Variants in CPN1 observed in about 807,000 individuals in gnomAD.
CPN1 encodes the protein carboxypeptidase N subunit 1, also known as carboxypeptidase N catalytic chain.
Under a neutral mutation model 46.4 loss-of-function variants are expected in CPN1, and 37 were observed. The ratio of observed to expected loss-of-function variants is 0.80; its 90% CI spans 0.61 to 1.05. The LOEUF (loss-of-function observed/expected upper bound fraction) is 1.05. Ranked by LOEUF, CPN1 falls within the 50% of genes least tolerant of loss-of-function variation. The probability of loss-of-function intolerance (pLI) is 0.00; values close to 1 mark genes in which losing one functional copy is unlikely to be tolerated. For synonymous variants in CPN1, 224 were observed against 235.4 expected (o/e 0.95, Z 0.44); for missense variants, 563 against 602.6 (o/e 0.93, Z 0.69).
chr10:100,075,037 C>T (rs2041506117), intron 2 of CPN1, among the ~76,000 whole-genome samples: 1 of 152,182 alleles, frequency 6.6e-6, no homozygotes. Context: ...CGCCTGTAAT[C>T]CCAGCACTTT....
intron 5 of CPN1, among the ~76,000 whole-genome samples, chr10:100,058,873 C>T (rs1032641805): frequency 6.6e-6 from 1 of 152,068 alleles, no homozygotes; most frequent in Admixed American, 6.6e-5. Flanking sequence ...GAAGACAGCC[C>T]AGAAACCCTT....
intron 6 of CPN1, among the ~76,000 whole-genome samples, chr10:100,055,140 A>C (rs1201468445): frequency 6.6e-6 from 1 of 151,712 alleles, no homozygotes; most frequent in African/African-American, 2.4e-5. Flanking sequence ...CAGGAGGCCG[A>C]GACAGGAGAA....
intron 8 of CPN1, 44 bp from the exon 9 acceptor site, chr10:100,042,617 C>G: frequency 1.2e-6 from 2 of 1,612,744 alleles, no homozygotes; most frequent in East Asian, 4.5e-5. Flanking sequence ...TTTGGACCAT[C>G]TTTTGCCATA....
chr10:100,057,539 G>C (rs181017008), intron 5 of CPN1, among the ~76,000 whole-genome samples: 5 of 152,092 alleles, frequency 3.3e-5, no homozygotes, highest in Non-Finnish European at 7.4e-5. Context: ...TTGTTGAGTG[G>C]TGATTAGTCG....
chr10:100,053,469 C>CA, intron 7 of CPN1, among the ~76,000 whole-genome samples: 1 of 151,930 alleles, frequency 6.6e-6, no homozygotes, highest in East Asian at 1.9e-4. Flanking sequence ...ACAAAAAACA[C>CA]AAAAAATTAG....
At chr10:100,065,801 C>T (rs1320437555) in intron 3 of CPN1, among the ~76,000 whole-genome samples, 1 of 151,712 alleles carries the variant, frequency 6.6e-6, no homozygotes. Context: ...ATAAACACAC[C>T]CCTCTGGGGT....
chr10:100,073,182 G>A (rs1457669456), intron 2 of CPN1, among the ~76,000 whole-genome samples: 2 of 152,000 alleles, frequency 1.3e-5, no homozygotes, highest in Non-Finnish European at 2.9e-5. Flanking sequence ...GTTCCTTTAA[G>A]TTTCCTACAT....
Position 100,047,966 on chromosome 10 carries a change from T to C in CPN1, c.1230+792A>G, listed in dbSNP as rs758720394. On this transcript the variant is annotated intron_variant, in intron 8 of 8. Transcript: ENST00000370418. ...GAGATCATGCCATTGCACTCCAGCCTGGGCAACAAGAGCGAAACCCCCTCT... is the reference window on the plus strand; with the variant it reads ...GAGATCATGCCATTGCACTCCAGCCCGGGCAACAAGAGCGAAACCCCCTCT... Among the ~76,000 whole-genome samples, 55 of 152,240 alleles carry C rather than the reference T, an allele frequency of 3.6e-4. 1 individual carries two copies. The highest frequency in any genetic ancestry group is 6.0e-4 in the Non-Finnish European group (41 of 68,018).
intron 5 of CPN1, among the ~76,000 whole-genome samples, chr10:100,061,155 T>C (rs1159471444): frequency 6.6e-6 from 1 of 151,990 alleles, no homozygotes; most frequent in Non-Finnish European, 1.5e-5. Flanking sequence ...GAATGAATGA[T>C]AGCACAAAAG....
At chr10:100,048,522 A>G (rs1033696748) in intron 8 of CPN1, among the ~76,000 whole-genome samples, 3 of 152,042 alleles carry the variant, frequency 2.0e-5, no homozygotes, top group Admixed American at 1.3e-4. Flanking sequence ...ACATGACGAA[A>G]TCCTTTTTCT....
rs1429908976 is a variant in CPN1, at chr10:100,054,402, A to G, written c.1056T>C (p.Asn352=). The part of the protein sequence containing the change: ...IKGMVLDENY[N]NLANAVISVS... ...CAGAAATGACAGCATTGGCGAGATTATTGTAATTCTCATCAAGCACCATTC... is the reference window on the plus strand; with the variant it reads ...CAGAAATGACAGCATTGGCGAGATTGTTGTAATTCTCATCAAGCACCATTC... The change falls in exon 7 of 9, where the codon AAT becomes AAC. Residue 352 remains asparagine, a synonymous_variant. Coordinates refer to ENST00000370418, the MANE Select transcript of CPN1 (RefSeq NM_001308.3). 3 of 1,614,006 alleles carry G rather than the reference A, an allele frequency of 1.9e-6. No homozygotes were observed. Among genetic ancestry groups the G allele is most frequent in the East Asian group, 2.2e-5 (1 of 44,890 alleles).
At chr10:100,072,214 T>G (rs1159432044) in intron 2 of CPN1, among the ~76,000 whole-genome samples, 1 of 152,174 alleles carries the variant, frequency 6.6e-6, no homozygotes, top group Non-Finnish European at 1.5e-5. Flanking sequence ...CTCACTCTGT[T>G]GCCTAGGCTG....
intron 8 of CPN1, among the ~76,000 whole-genome samples, chr10:100,047,247 A>G (rs955530421): frequency 6.6e-6 from 1 of 152,028 alleles, no homozygotes; most frequent in African/African-American, 2.4e-5. Flanking sequence ...GAGGAGGAAG[A>G]GGAGGAGGAC....
At chr10:100,063,356 C>T (rs543994070) in intron 5 of CPN1, among the ~76,000 whole-genome samples, 1 of 151,434 alleles carries the variant, frequency 6.6e-6, no homozygotes, top group East Asian at 2.0e-4. Flanking sequence ...CTCCTGACCT[C>T]GTGATCCACC....
intron 8 of CPN1, among the ~76,000 whole-genome samples, chr10:100,043,263 C>T (rs2041289111): frequency 6.7e-6 from 1 of 150,082 alleles, no homozygotes; most frequent in Non-Finnish European, 1.5e-5. Context: ...GGGCTGGTGG[C>T]ACATGCCTAT....
chr10:100,078,607 C>T (rs1447878703), intron 1 of CPN1, among the ~76,000 whole-genome samples: 2 of 152,182 alleles, frequency 1.3e-5, no homozygotes, highest in African/African-American at 4.8e-5. Flanking sequence ...AGCTACTCAA[C>T]TCTTCCAGCA....
intron 5 of CPN1, among the ~76,000 whole-genome samples, chr10:100,058,210 C>T (rs562237168): frequency 2.6e-5 from 4 of 151,868 alleles, no homozygotes; most frequent in Non-Finnish European, 5.9e-5. Context: ...ACTTCTTGTC[C>T]CTTTTAACAT....
intron 7 of CPN1, among the ~76,000 whole-genome samples, chr10:100,049,612 G>A (rs2041338224): frequency 6.6e-6 from 1 of 151,806 alleles, no homozygotes; most frequent in Non-Finnish European, 1.5e-5. Context: ...TCACTATGTT[G>A]CCCAGGCTGG....
intron 8 of CPN1, among the ~76,000 whole-genome samples, chr10:100,043,225 G>A (rs528814109): frequency 9.9e-5 from 15 of 151,478 alleles, no homozygotes; most frequent in East Asian, 9.7e-4. Flanking sequence ...GTGAAACCCC[G>A]TCTCTACTGA....
Sources: gnomAD v4.1 joint callset for allele counts (sites outside exome capture counted in the v4.1 genomes callset) on GRCh38, gnomAD v4.1.1 for gene constraint, MANE v1.5 for transcripts, NCBI Gene and HGNC (gene_info 2026-07-23, HGNC 2026-07-21) for gene names.